Variants in RNF112 observed in about 807,000 individuals in gnomAD.
RNF112 encodes brain finger protein.
A neutral mutation model predicts 64.7 loss-of-function variants in RNF112; 34 were observed. The ratio of observed to expected loss-of-function variants is 0.53; its 90% CI spans 0.40 to 0.70. RNF112 has a LOEUF of 0.70. RNF112 is among the 30% of genes least tolerant of loss of function. RNF112 has a pLI of 0.00. For synonymous variants in RNF112, 345 were observed against 344.5 expected (o/e 1.00, Z -0.02); for missense variants, 734 against 850.0 (o/e 0.86, Z 1.70).
chr17:19,411,360 T>G lies in RNF112; in HGVS notation c.-49T>G, dbSNP rs1459112793. On this transcript the variant is annotated 5_prime_UTR_variant, in exon 1 of 14. Coordinates refer to ENST00000461366, the MANE Select transcript of RNF112 (RefSeq NM_007148.5). ...GCATCCTTACCTCTGGTTGAAGGTC[T>G]CGGGGCCTCCCCCTCTGCATCCGGA... 2.5e-6 allele frequency: 4 copies of G among 1,582,930 alleles called. No homozygotes were observed. In the South Asian group the frequency reaches 4.5e-5, roughly 18 times the overall value.
At position 19,412,566 on chromosome 17, in the gene RNF112, C is replaced by T. The variant is rs1296567093; in HGVS notation, c.164C>T (p.Pro55Leu). 6.2e-7 allele frequency: 1 copy of T among 1,613,518 alleles called. No individual in the cohort carries two copies. Among genetic ancestry groups the T allele is most frequent in the Admixed American group, 1.7e-5 (1 of 59,978 alleles). The stretch of plus-strand genomic sequence containing the variant: ...CAGCCCATGGCGCCCCGGGAGCTCC[C>T]TACCTGCTCCATCTGCCTGGAGAGG... ...GPQPMAPREL[P>L]TCSICLERLR... is the part of the protein sequence containing the mutation. The change falls in exon 3 of 14, where the codon CCT (proline) becomes CTT (leucine). Residue 55 changes from proline (P) to leucine (L), a missense_variant. Coordinates refer to ENST00000461366, the MANE Select transcript of RNF112 (RefSeq NM_007148.5). This position sits in a 1 kb window ranked among gnomAD's most constrained non-coding sequence, Gnocchi z 5.1.
Position 19,415,759 on chromosome 17 carries a change from C to A in RNF112, c.1480C>A (p.Arg494=), listed in dbSNP as rs562023386. 1.2e-6 allele frequency: 2 copies of A among 1,613,294 alleles called. No homozygotes were observed. Among genetic ancestry groups the A allele is most frequent in the African/African-American group, 1.3e-5 (1 of 75,070 alleles). Residue 494 remains arginine (R), a synonymous_variant, in exon 14 of 14, where the codon CGG becomes AGG. Coordinates refer to ENST00000461366, the MANE Select transcript of RNF112 (RefSeq NM_007148.5). The surrounding 1 kb of genome is among the most constrained non-coding windows in gnomAD (Gnocchi z 7.8). Reference sequence around the variant, plus strand: ...GCTGCGGGTCCTGCCAGACACCATGCGGAACCTCCTCTCCACCCAGAAAGA... The same window carrying A: ...GCTGCGGGTCCTGCCAGACACCATGAGGAACCTCCTCTCCACCCAGAAAGA... ...SALRVLPDTM[R]NLLSTQKDAI... is the part of the protein sequence containing the mutation.
In RNF112 at chr17:19,413,831, G is replaced by A. The variant is rs539439067; in HGVS notation, c.825+150G>A. 5.9e-6 allele frequency: 4 copies of A among 675,200 alleles called. No homozygotes were observed. The African/African-American group carries it at 7.2e-5, about 12-fold the overall frequency. The allele number at this position is 675,200 out of a possible 1,614,324, so 41.8% of individuals were successfully genotyped here. Reference sequence around the variant, plus strand: ...AGAAGGGGGAAGGTGCTCCTAGTTGGTGAAGGTGGGAACGTGGGTTATTCC... The same window carrying A: ...AGAAGGGGGAAGGTGCTCCTAGTTGATGAAGGTGGGAACGTGGGTTATTCC... On this transcript the variant is annotated intron_variant, in intron 6 of 13. Coordinates refer to ENST00000461366, the MANE Select transcript of RNF112 (RefSeq NM_007148.5). This position sits in a 1 kb window ranked among gnomAD's most constrained non-coding sequence, Gnocchi z 5.9.
rs368312591 is a variant in RNF112 at position 19,411,540 on chromosome 17, TG to T, written c.54+82del. On this transcript the variant is annotated intron_variant, in intron 1 of 13. Coordinates refer to ENST00000461366, the MANE Select transcript of RNF112 (RefSeq NM_007148.5). ...CTTGGGCTGGGGGATGGGCCGGGGG[TG>T]GGGAGGATGAGGGGTCCCTGGAAAT... is the stretch of plus-strand genomic sequence containing the variant. The T allele has an allele frequency of 6.0e-4, 328 of 545,584 alleles. 2 individuals are homozygous for T. The African/African-American group carries it at 0.012, about 20-fold the overall frequency. 33.8% of individuals were successfully genotyped at this position (545,584 alleles called of 1,614,324 possible). A position where few individuals can be genotyped will look rare whatever the true frequency, so the allele number is the denominator to read the frequency against.
Position 19,415,322 on chromosome 17 carries a change from T to C in RNF112, c.1333T>C (p.Phe445Leu), listed in dbSNP as rs1225113042. 1.2e-6 allele frequency: 2 copies of C among 1,608,874 alleles called. No homozygotes were observed. Among genetic ancestry groups the C allele is most frequent in the Non-Finnish European group, 1.7e-6 (2 of 1,177,666 alleles). The change falls in exon 12 of 14, where the codon TTC becomes CTC. Residue 445 changes from phenylalanine to leucine, a missense_variant. Coordinates refer to ENST00000461366, the MANE Select transcript of RNF112 (RefSeq NM_007148.5). The surrounding 1 kb of genome is among the most constrained non-coding windows in gnomAD (Gnocchi z 7.8). Reference sequence around the variant, plus strand: ...ATGGATGGGGAGGACAGGGCCCGGTTTCACCTCTCCGGATGAGGTATGAGC... The same window carrying C: ...ATGGATGGGGAGGACAGGGCCCGGTCTCACCTCTCCGGATGAGGTATGAGC... The part of the protein sequence containing the change: ...SGWMGRTGPG[F>L]TSPDEMAAQL...
chr17:19,415,347 C>T lies in RNF112; in HGVS notation c.1350+8C>T, dbSNP rs1913840068. 1.1e-5 allele frequency: 17 copies of T among 1,596,702 alleles called. No individual in the cohort carries two copies. The highest frequency in any genetic ancestry group is 4.5e-5 in the South Asian group (4 of 89,084). On this transcript the variant is annotated splice_region_variant and intron_variant, in intron 12 of 13. Transcript: ENST00000461366. The surrounding 1 kb of genome is among the most constrained non-coding windows in gnomAD (Gnocchi z 7.8). ...TTCACCTCTCCGGATGAGGTATGAGCGCTGGGGGATCCAGCATTCTGGCAG... is the reference window on the plus strand; with the variant it reads ...TTCACCTCTCCGGATGAGGTATGAGTGCTGGGGGATCCAGCATTCTGGCAG...
Position 19,412,029 on chromosome 17 carries a change from C to T in RNF112, c.95+359C>T, listed in dbSNP as rs1048907621. 3.3e-5 allele frequency among the ~76,000 whole-genome samples: 5 copies of T among 152,188 alleles called. No homozygotes were observed. In the South Asian group the frequency reaches 6.2e-4, roughly 19 times the overall value. Reference sequence around the variant, plus strand: ...TCATGGAGGGAGCCCCGCTGTAGAACGCCGGGAGAGGCTCTTCCCAAGCAT... The same window carrying T: ...TCATGGAGGGAGCCCCGCTGTAGAATGCCGGGAGAGGCTCTTCCCAAGCAT... On this transcript the variant is annotated intron_variant, in intron 2 of 13. Transcript: ENST00000461366. This position sits in a 1 kb window ranked among gnomAD's most constrained non-coding sequence, Gnocchi z 5.1.
Position 19,415,021 on chromosome 17 carries a change from G to A in RNF112, c.1127-17G>A. On this transcript the variant is annotated splice_polypyrimidine_tract_variant and intron_variant, in intron 10 of 13. Transcript: ENST00000461366. This position sits in a 1 kb window ranked among gnomAD's most constrained non-coding sequence, Gnocchi z 7.8. ...CCCAAAGCCCGCAGTCTCTCAGCAT[G>A]CACATCTCTCCCTCAGACACAGATG... 2 of 1,583,392 alleles carry A rather than the reference G, an allele frequency of 1.3e-6. No homozygotes were observed. Among genetic ancestry groups the A allele is most frequent in the South Asian group, 1.1e-5 (1 of 88,500 alleles).
rs1213817469 is a variant in RNF112 at position 19,416,207 on chromosome 17, A to T, written c.*32A>T. 1.3e-6 allele frequency: 2 copies of T among 1,503,196 alleles called. No homozygotes were observed. Among genetic ancestry groups the T allele is most frequent in the Non-Finnish European group, 1.8e-6 (2 of 1,120,410 alleles). The allele number at this position is 1,503,196 out of a possible 1,614,324, so 93.1% of individuals were successfully genotyped here. On this transcript the variant is annotated 3_prime_UTR_variant, in exon 14 of 14. Coordinates refer to ENST00000461366, the MANE Select transcript of RNF112 (RefSeq NM_007148.5). ...CAGGAGGTATTGAAGGACAGGAGAG[A>T]TGTCAGGTGGGGATGAAGAAGAGGG... is the stretch of plus-strand genomic sequence containing the variant.
chr17:19,416,351 C>T lies in RNF112; in HGVS notation c.*176C>T, dbSNP rs900205547. On this transcript the variant is annotated 3_prime_UTR_variant, in exon 14 of 14. Transcript: ENST00000461366. Reference sequence around the variant, plus strand: ...CTGGGACTCAAGGTGGCTCTTGGAACCTGGGAGGCAGCATCTGGGGGCAGT... The same window carrying T: ...CTGGGACTCAAGGTGGCTCTTGGAATCTGGGAGGCAGCATCTGGGGGCAGT... 6.6e-6 allele frequency: 4 copies of T among 609,014 alleles called. No homozygotes were observed. Among genetic ancestry groups the T allele is most frequent in the Non-Finnish European group, 1.1e-5 (4 of 362,184 alleles). The allele number at this position is 609,014 out of a possible 1,614,324, so 37.7% of individuals were successfully genotyped here.
chr17:19,414,920 G>A (rs754293077), intron 10 of RNF112, 33 bp downstream of exon 10: 33 of 1,601,364 alleles, frequency 2.1e-5, no homozygotes, highest in Non-Finnish European at 2.7e-5. Flanking sequence ...CCTCTCTTGC[G>A]CTGCTCCCAG....
Position 19,415,356 on chromosome 17 carries a change from A to C in RNF112, c.1350+17A>C, listed in dbSNP as rs548653464. ...CCGGATGAGGTATGAGCGCTGGGGG[A>C]TCCAGCATTCTGGCAGGGAGACAGG... On this transcript the variant is annotated intron_variant, in intron 12 of 13. Coordinates refer to ENST00000461366, the MANE Select transcript of RNF112 (RefSeq NM_007148.5). The surrounding 1 kb of genome is among the most constrained non-coding windows in gnomAD (Gnocchi z 7.8). 14 of 1,589,132 alleles carry C rather than the reference A, an allele frequency of 8.8e-6. No individual in the cohort carries two copies. The South Asian group carries it at 1.4e-4, about 15-fold the overall frequency.
At chr17:19,414,035 C>T (rs1344348541) in intron 6 of RNF112, 60 bp from the exon 7 acceptor site, 1 of 1,480,012 alleles carries the variant, frequency 6.8e-7, no homozygotes, top group African/African-American at 1.4e-5. Context: ...CCAGGGCCTT[C>T]CCCAGTGAAG....
Position 19,415,003 on chromosome 17 carries a change from C to T in RNF112, c.1127-35C>T, listed in dbSNP as rs1913816506. On this transcript the variant is annotated intron_variant, in intron 10 of 13. Coordinates refer to ENST00000461366, the MANE Select transcript of RNF112 (RefSeq NM_007148.5). This position sits in a 1 kb window ranked among gnomAD's most constrained non-coding sequence, Gnocchi z 7.8. ...TCTGACACCCCTTCTCCTCCCAAAG[C>T]CCGCAGTCTCTCAGCATGCACATCT... The T allele has an allele frequency of 1.3e-6, 2 of 1,580,318 alleles. No individual in the cohort carries two copies. Among genetic ancestry groups the T allele is most frequent in the Non-Finnish European group, 1.7e-6 (2 of 1,160,250 alleles).
rs777327708 is a variant in RNF112 at position 19,414,855 on chromosome 17, G to T, written c.1094G>T (p.Arg365Leu). 3.4e-5 allele frequency: 55 copies of T among 1,613,690 alleles called. No individual in the cohort carries two copies. Among genetic ancestry groups the T allele is most frequent in the Non-Finnish European group, 4.7e-5 (55 of 1,179,852 alleles). The stretch of plus-strand genomic sequence containing the variant: ...TGCCTCTTGCCTGCCCCAGGGAGGC[G>T]GCGGATGAACCAAGGCCATGCAAGC... ...RCCLLPAPGRRRMNQGHASPG... is the reference protein window; with the variant it reads ...RCCLLPAPGRLRMNQGHASPG... Residue 365 changes from arginine to leucine, a missense_variant, in exon 10 of 14, where the codon CGG (arginine) becomes CTG (leucine). Physicochemically the swap from Arg to Leu is moderately radical, Grantham distance 102 (BLOSUM62 -2). Transcript: ENST00000461366.
Position 19,411,625 on chromosome 17 carries a change from C to T in RNF112, c.55-5C>T, listed in dbSNP as rs201894035. The T allele has an allele frequency of 2.5e-4, 388 of 1,527,654 alleles. No homozygotes were observed. Among genetic ancestry groups the T allele is most frequent in the Admixed American group, 9.8e-4 (45 of 45,794 alleles). The allele number at this position is 1,527,654 out of a possible 1,614,324, so 94.6% of individuals were successfully genotyped here. ...AAATCTTTTTTTTTTTTTTTTTTCT[C>T]CAAGGAGAGAAAACAGAGCTTCATG... On this transcript the variant is annotated splice_region_variant and splice_polypyrimidine_tract_variant and intron_variant, in intron 1 of 13. Coordinates refer to ENST00000461366, the MANE Select transcript of RNF112 (RefSeq NM_007148.5).
Position 19,412,045 on chromosome 17 carries a change from T to TC in RNF112, c.95+378dup, listed in dbSNP as rs1236091212. ...GCTGTAGAACGCCGGGAGAGGCTCT[T>TC]CCCAAGCATTTGCACCAGGCACTGT... On this transcript the variant is annotated intron_variant, in intron 2 of 13. Coordinates refer to ENST00000461366, the MANE Select transcript of RNF112 (RefSeq NM_007148.5). The surrounding 1 kb of genome is among the most constrained non-coding windows in gnomAD (Gnocchi z 5.1). 1.3e-5 allele frequency among the ~76,000 whole-genome samples: 2 copies of TC among 152,130 alleles called. No homozygotes were observed. The highest frequency in any genetic ancestry group is 2.9e-5 in the Non-Finnish European group (2 of 68,008).
Position 19,412,873 on chromosome 17 carries a change from G to C in RNF112, c.382-65G>C. The C allele has an allele frequency of 1.3e-6, 2 of 1,573,498 alleles. No individual in the cohort carries two copies. The highest frequency in any genetic ancestry group is 1.7e-6 in the Non-Finnish European group (2 of 1,162,014). ...ACATCAGGACACAGAGCTCCAGGCT[G>C]AACACATTCCAGGGTCAGGAGCTGG... On this transcript the variant is annotated intron_variant, in intron 3 of 13. Transcript: ENST00000461366. The surrounding 1 kb of genome is among the most constrained non-coding windows in gnomAD (Gnocchi z 5.1).
In RNF112 at chr17:19,413,549, C is replaced by T; in HGVS notation, c.721-28C>T. ...TGGGAGAACAAGGCAGGCCTGGCCC[C>T]TTGGGTCTTTCCCTACCCCCTGCAT... is the stretch of plus-strand genomic sequence containing the variant. On this transcript the variant is annotated intron_variant, in intron 5 of 13. Coordinates refer to ENST00000461366, the MANE Select transcript of RNF112 (RefSeq NM_007148.5). This position sits in a 1 kb window ranked among gnomAD's most constrained non-coding sequence, Gnocchi z 5.9. The T allele has an allele frequency of 6.2e-7, 1 of 1,604,378 alleles. No individual in the cohort carries two copies. Among genetic ancestry groups the T allele is most frequent in the South Asian group, 1.1e-5 (1 of 90,106 alleles).
Sources: allele counts gnomAD v4.1 joint callset (sites outside exome capture counted in the v4.1 genomes callset), GRCh38; gene constraint gnomAD v4.1.1; non-coding constraint Gnocchi (gnomAD v3.1); transcripts MANE v1.5; gene names NCBI Gene and HGNC (gene_info 2026-07-23, HGNC 2026-07-21).